Variants in COL19A1 observed in about 807,000 individuals in gnomAD.
The protein encoded by COL19A1 is collagen type XIX alpha 1 chain.
Under a neutral mutation model 190.2 loss-of-function variants are expected in COL19A1, and 159 were observed. The observed-to-expected ratio is 0.84, with a 90% CI of 0.73 to 0.95. The LOEUF is 0.95. Among genes scored for constraint, COL19A1 ranks in the 40% least tolerant of loss-of-function variants. The pLI is 0.00. For synonymous variants in COL19A1, 509 were observed against 458.9 expected (o/e 1.11, Z -1.39); for missense variants, 1,418 against 1,431.9 (o/e 0.99, Z 0.16).
intron 5 of COL19A1, among the ~76,000 whole-genome samples, chr6:69,929,122 T>C (rs1772584911): frequency 6.6e-6 from 1 of 150,568 alleles, no homozygotes; most frequent in South Asian, 2.1e-4. Context: ...ATATATAAAC[T>C]TATAAATGGT....
intron 11 of COL19A1, among the ~76,000 whole-genome samples, chr6:70,020,501 A>G (rs908088290): frequency 6.6e-6 from 1 of 152,140 alleles, no homozygotes; most frequent in African/African-American, 2.4e-5. Flanking sequence ...ACTTAAATGC[A>G]GGATTGCACA....
chr6:70,064,293 T>C (rs1781037524), intron 14 of COL19A1, among the ~76,000 whole-genome samples: 1 of 152,192 alleles, frequency 6.6e-6, no homozygotes, highest in South Asian at 2.1e-4. Flanking sequence ...TCAAGTGGGC[T>C]TCATCCCTGG....
intron 18 of COL19A1, among the ~76,000 whole-genome samples, chr6:70,133,983 C>A (rs1160018770): frequency 1.3e-5 from 2 of 152,192 alleles, no homozygotes; most frequent in African/African-American, 4.8e-5. Context: ...TTTTATTTCA[C>A]CATGTACATT....
chr6:69,942,633 G>C (rs957186450), intron 9 of COL19A1, among the ~76,000 whole-genome samples: 9 of 151,586 alleles, frequency 5.9e-5, no homozygotes, highest in Non-Finnish European at 8.8e-5. Context: ...TTATCCTTCT[G>C]TGCCTGGCTT....
At chr6:70,178,546 G>A (rs1197691839) in intron 42 of COL19A1, among the ~76,000 whole-genome samples, 2 of 152,154 alleles carry the variant, frequency 1.3e-5, no homozygotes, top group Non-Finnish European at 1.5e-5. Flanking sequence ...ATAGACAATG[G>A]TGATGGCTAG....
Position 70,083,236 on chromosome 6 carries a change from G to A in COL19A1, c.1224+14760G>A, listed in dbSNP as rs181410930. Among the ~76,000 whole-genome samples, 3 of 152,192 alleles carry A rather than the reference G, an allele frequency of 2.0e-5. No homozygotes were observed. In the East Asian group the frequency reaches 5.8e-4, roughly 29 times the overall value. On this transcript the variant is annotated intron_variant, in intron 15 of 50. Coordinates refer to ENST00000620364, the MANE Select transcript of COL19A1 (RefSeq NM_001858.6). ...ATCACTATTTCACTCATGATTTTTT[G>A]TTTCATTGTAATTACAAAATGATAA...
At chr6:69,901,111 A>G (rs530316468) in intron 4 of COL19A1, among the ~76,000 whole-genome samples, 9 of 148,098 alleles carry the variant, frequency 6.1e-5, no homozygotes, top group South Asian at 2.1e-4. Context: ...GAATATTCGC[A>G]TGTATGAATA....
chr6:69,911,344 C>A (rs1444717085), intron 4 of COL19A1, among the ~76,000 whole-genome samples: 1 of 152,150 alleles, frequency 6.6e-6, no homozygotes, highest in Non-Finnish European at 1.5e-5. Flanking sequence ...ACATCTTGTT[C>A]ATTATCTCAT....
chr6:70,144,684 A>G (rs527839690), intron 24 of COL19A1, among the ~76,000 whole-genome samples: 15 of 152,310 alleles, frequency 9.8e-5, no homozygotes, highest in Admixed American at 7.2e-4. Context: ...ACACATGCAT[A>G]TGTTTCATGA....
In COL19A1 at chr6:69,930,691, G is replaced by T. The variant is rs558938238; in HGVS notation, c.666+991G>T. On this transcript the variant is annotated intron_variant, in intron 6 of 50. Transcript: ENST00000620364. Reference sequence around the variant, plus strand: ...AAATTAGCCAGATGTGGTGGCACACGCCTGTAATCCCAGCTACTCGGGAGG... The same window carrying T: ...AAATTAGCCAGATGTGGTGGCACACTCCTGTAATCCCAGCTACTCGGGAGG... Among the ~76,000 whole-genome samples the T allele has an allele frequency of 1.6e-3, 251 of 152,174 alleles. 6 individuals are homozygous for T. The highest frequency in any genetic ancestry group is 0.015 in the Admixed American group (226 of 15,288).
At chr6:69,920,655 A>C (rs1240582302) in intron 4 of COL19A1, among the ~76,000 whole-genome samples, 1 of 151,864 alleles carries the variant, frequency 6.6e-6, no homozygotes, top group Non-Finnish European at 1.5e-5. Context: ...ACATTTTGTT[A>C]ATCTGATATA....
rs572995729 is a variant in COL19A1 at position 69,881,293 on chromosome 6, GCATTTTATGCAC to G, written c.91+1646_91+1657del. ...TTTTTTCTTTTCACCTGGTTACCTT[GCATTTTATGCAC>G]CATTTTATGCCAAGGTTACCTTTTT... On this transcript the variant is annotated intron_variant, in intron 2 of 50. Coordinates refer to ENST00000620364, the MANE Select transcript of COL19A1 (RefSeq NM_001858.6). Among the ~76,000 whole-genome samples the G allele has an allele frequency of 1.3e-3, 205 of 152,126 alleles. 1 individual carries two copies. Among genetic ancestry groups the G allele is most frequent in the Admixed American group, 6.1e-3 (94 of 15,292 alleles).
At chr6:70,108,589 T>C (rs1346240578) in intron 16 of COL19A1, among the ~76,000 whole-genome samples, 1 of 152,210 alleles carries the variant, frequency 6.6e-6, no homozygotes, top group Admixed American at 6.6e-5. Flanking sequence ...GTTACATTTA[T>C]GCTTACCTTG....
chr6:70,113,203 A>G (rs1364291200), intron 16 of COL19A1, among the ~76,000 whole-genome samples: 1 of 152,212 alleles, frequency 6.6e-6, no homozygotes, highest in Non-Finnish European at 1.5e-5. Flanking sequence ...ATTTTCAGAC[A>G]TTCACCAAGA....
intron 9 of COL19A1, among the ~76,000 whole-genome samples, chr6:69,955,313 T>C (rs945105781): frequency 3.3e-5 from 5 of 152,246 alleles, no homozygotes; most frequent in South Asian, 2.1e-4. Context: ...TCAAAATTAC[T>C]TGGGTTTTCT....
chr6:70,140,404 A>G (rs1786171434), intron 19 of COL19A1, among the ~76,000 whole-genome samples: 1 of 151,938 alleles, frequency 6.6e-6, no homozygotes, highest in Non-Finnish European at 1.5e-5. Flanking sequence ...AATATTTTTT[A>G]TCCACAATTG....
chr6:70,211,356 G>T lies in COL19A1; in HGVS notation c.*4082G>T, dbSNP rs1015971302. 6.6e-6 allele frequency among the ~76,000 whole-genome samples: 1 copy of T among 151,786 alleles called. No homozygotes were observed. Among genetic ancestry groups the T allele is most frequent in the African/African-American group, 2.4e-5 (1 of 41,332 alleles). ...CTTTGCAGATTTGTCCATTGCTCTTGTTCTTAAATTATTTTTCATACTTGT... is the reference window on the plus strand; with the variant it reads ...CTTTGCAGATTTGTCCATTGCTCTTTTTCTTAAATTATTTTTCATACTTGT... On this transcript the variant is annotated 3_prime_UTR_variant, in exon 51 of 51. Transcript: ENST00000620364.
intron 34 of COL19A1, among the ~76,000 whole-genome samples, chr6:70,161,421 T>C (rs1288573045): frequency 6.6e-6 from 1 of 152,194 alleles, no homozygotes; most frequent in Non-Finnish European, 1.5e-5. Context: ...TTAAATTATG[T>C]TTGCTTCAGA....
rs567326853 is a variant in COL19A1 at position 70,108,436 on chromosome 6, C to T, written c.1278+6214C>T. On this transcript the variant is annotated intron_variant, in intron 16 of 50. Coordinates refer to ENST00000620364, the MANE Select transcript of COL19A1 (RefSeq NM_001858.6). ...CAAAAAATTTTGTAACATGGGGCAA[C>T]AGCTCCATCTACTGTTTCCATAGGA... is the stretch of plus-strand genomic sequence containing the variant. Among the ~76,000 whole-genome samples the T allele has an allele frequency of 3.3e-5, 5 of 152,208 alleles. No individual in the cohort carries two copies. The East Asian group carries it at 9.6e-4, about 29-fold the overall frequency.
Sources: gnomAD v4.1 joint callset for allele counts (sites outside exome capture counted in the v4.1 genomes callset) on GRCh38, gnomAD v4.1.1 for gene constraint, MANE v1.5 for transcripts, NCBI Gene and HGNC (gene_info 2026-07-23, HGNC 2026-07-21) for gene names.